The following FAM107B variants were observed in gnomAD, a reference collection of about 807,000 sequenced individuals.
The protein encoded by FAM107B is protein FAM107B.
In FAM107B, 21 loss-of-function variants were observed where a neutral mutation model predicts 31.5. The ratio of observed to expected loss-of-function variants is 0.67; its 90% CI spans 0.47 to 0.96. The LOEUF (loss-of-function observed/expected upper bound fraction) is 0.96, where lower values mean the gene tolerates loss of function less well. Ranked by LOEUF, FAM107B falls within the 40% of genes least tolerant of loss-of-function variation. The pLI, the probability that FAM107B is intolerant of heterozygous loss-of-function variation, is 0.00. For synonymous variants in FAM107B, 157 were observed against 141.5 expected, an observed-to-expected ratio of 1.11 and a Z score of -0.78; for missense variants, 452 against 377.1, an observed-to-expected ratio of 1.20 and a Z score of -1.64.
chr10:14,560,243 A>G (rs1850120686), intron 2 of FAM107B, among the ~76,000 whole-genome samples: 1 of 152,078 alleles, frequency 6.6e-6, no homozygotes, highest in Non-Finnish European at 1.5e-5. Context: ...ATTTGGAACA[A>G]GTGCCCATCA....
At chr10:14,605,754 C>T (rs1365007894) in intron 2 of FAM107B, among the ~76,000 whole-genome samples, 5 of 152,178 alleles carry the variant, frequency 3.3e-5, no homozygotes. Context: ...CCTTCTCTCT[C>T]GTCCTTGAGT....
intron 1 of FAM107B, among the ~76,000 whole-genome samples, chr10:14,753,385 C>A (rs1021487819): frequency 6.6e-6 from 1 of 152,196 alleles, no homozygotes; most frequent in Non-Finnish European, 1.5e-5. Flanking sequence ...ACATCAAAGC[C>A]GTGAAGATTA....
chr10:14,593,987 T>C (rs1365557059), intron 2 of FAM107B, among the ~76,000 whole-genome samples: 1 of 152,210 alleles, frequency 6.6e-6, no homozygotes, highest in Non-Finnish European at 1.5e-5. Context: ...ATTCCATTCA[T>C]TAATAGGGTA....
At position 14,701,696 on chromosome 10, in the gene FAM107B, G is replaced by A. The variant is rs148138214; in HGVS notation, c.412-34005C>T. On this transcript the variant is annotated intron_variant, in intron 1 of 4. Coordinates refer to ENST00000181796, the MANE Select transcript of FAM107B (RefSeq NM_031453.4). ...GGAAACCAGAAAGAATGCAATGACC[G>A]GCCCTAGGCAAAGAGTTGTTTTTTT... Among the ~76,000 whole-genome samples, 30 of 151,868 alleles carry A rather than the reference G, an allele frequency of 2.0e-4. No individual in the cohort carries two copies. The East Asian group carries it at 5.0e-3, about 25-fold the overall frequency.
intron 1 of FAM107B, among the ~76,000 whole-genome samples, chr10:14,732,026 C>T (rs984405483): frequency 4.6e-5 from 7 of 152,152 alleles, no homozygotes; most frequent in Admixed American, 3.9e-4. Context: ...ACATCTGCTT[C>T]CCCTGGAAAA....
intron 2 of FAM107B, among the ~76,000 whole-genome samples, chr10:14,639,947 C>T (rs916218007): frequency 2.0e-5 from 3 of 152,162 alleles, no homozygotes; most frequent in Non-Finnish European, 2.9e-5. Flanking sequence ...GCTGAAATTG[C>T]CTTCTCTATG....
rs1487573849 is a variant in FAM107B at position 14,518,883 on chromosome 10, A to G, written c.*2307T>C. ...GCCATTTTTGTCAAAAAGTGGCTCA[A>G]AGCACAAAACTGCTCAGATGTTCAA... On this transcript the variant is annotated 3_prime_UTR_variant, in exon 5 of 5. Transcript: ENST00000181796. The G allele has an allele frequency of 2.0e-5, 3 of 152,624 alleles. No homozygotes were observed. The highest frequency in any genetic ancestry group is 4.4e-5 in the Non-Finnish European group (3 of 68,050). 9.5% of individuals were successfully genotyped at this position (152,624 alleles called of 1,614,324 possible).
At chr10:14,743,444 T>C (rs916071782) in intron 1 of FAM107B, among the ~76,000 whole-genome samples, 2 of 152,228 alleles carry the variant, frequency 1.3e-5, no homozygotes, top group African/African-American at 2.4e-5. Context: ...ATGTCCTAAA[T>C]GGTATTGCAT....
chr10:14,577,290 T>C (rs986581542), intron 2 of FAM107B, among the ~76,000 whole-genome samples: 9 of 152,242 alleles, frequency 5.9e-5, no homozygotes, highest in African/African-American at 2.2e-4. Flanking sequence ...ATTTGCATTC[T>C]ATTGCTGGAT....
At chr10:14,773,824 T>G (rs927583624) in intron 1 of FAM107B, among the ~76,000 whole-genome samples, 7 of 152,200 alleles carry the variant, frequency 4.6e-5, no homozygotes, top group Non-Finnish European at 1.0e-4. Context: ...TCATTTTAAG[T>G]AGAGGCAGTT....
At chr10:14,548,647 C>G in intron 2 of FAM107B, 4 of 985,426 alleles carry the variant, frequency 4.1e-6, no homozygotes, top group Non-Finnish European at 4.8e-6. Flanking sequence ...CGAAGGCAGG[C>G]ACTCCCAGAA....
At chr10:14,613,820 T>A (rs533418933) in intron 2 of FAM107B, among the ~76,000 whole-genome samples, 1 of 152,338 alleles carries the variant, frequency 6.6e-6, no homozygotes, top group East Asian at 1.9e-4. Context: ...GCTGGACGAC[T>A]GGCTTTTCTT....
intron 2 of FAM107B, among the ~76,000 whole-genome samples, chr10:14,648,042 T>C (rs1254192682): frequency 6.6e-6 from 1 of 151,820 alleles, no homozygotes; most frequent in African/African-American, 2.4e-5. Flanking sequence ...TTAAGAGGTT[T>C]AGCATATTTG....
chr10:14,613,853 G>A (rs1324693430), intron 2 of FAM107B, among the ~76,000 whole-genome samples: 1 of 152,160 alleles, frequency 6.6e-6, no homozygotes, highest in African/African-American at 2.4e-5. Context: ...AAAGTCAGCT[G>A]GGGGCAGTGG....
chr10:14,528,768 G>C (rs1846612704), intron 3 of FAM107B, among the ~76,000 whole-genome samples: 1 of 152,164 alleles, frequency 6.6e-6, no homozygotes, highest in Non-Finnish European at 1.5e-5. Context: ...AAAAAATGTG[G>C]AAACAGACTC....
rs761512976 is a variant in FAM107B at position 14,774,363 on chromosome 10, G to C, written c.301C>G (p.Pro101Ala). 6.2e-7 allele frequency: 1 copy of C among 1,614,202 alleles called. No homozygotes were observed. The highest frequency in any genetic ancestry group is 2.2e-5 in the East Asian group (1 of 44,884). Residue 101 changes from proline to alanine, a missense_variant, in exon 1 of 5, where the codon CCC becomes GCC. By Grantham distance (27) the Pro-to-Ala change is conservative. Coordinates refer to ENST00000181796, the MANE Select transcript of FAM107B (RefSeq NM_031453.4). ...GGCACATCTTCAGGCGTCTCCGCGGGCTGGGCCGCAGTGCGGTGACTTGAA... is the reference window on the plus strand; with the variant it reads ...GGCACATCTTCAGGCGTCTCCGCGGCCTGGGCCGCAGTGCGGTGACTTGAA... ...RNSSHRTAAQ[P>A]AETPEDVPGS...
intron 2 of FAM107B, among the ~76,000 whole-genome samples, chr10:14,628,112 GTTT>G (rs71505033): frequency 6.5e-5 from 6 of 92,686 alleles, no homozygotes; most frequent in South Asian, 4.6e-4. Flanking sequence ...TGTTTTGCTG[GTTT>G]TTTTTTTTTT....
rs77467461 is a variant in FAM107B at position 14,585,876 on chromosome 10, A to T, written c.470-55361T>A. On this transcript the variant is annotated intron_variant, in intron 2 of 4. Coordinates refer to ENST00000181796, the MANE Select transcript of FAM107B (RefSeq NM_031453.4). ...CGACCACAGCAGTCATTGCTGAGTA[A>T]GGAGGAAGCCTCTGTTACTAATTAC... 7.6e-3 allele frequency among the ~76,000 whole-genome samples: 1,155 copies of T among 152,256 alleles called. 17 individuals carry two copies. The highest frequency in any genetic ancestry group is 0.027 in the African/African-American group (1,111 of 41,550).
chr10:14,766,885 A>G (rs1003667650), intron 1 of FAM107B, among the ~76,000 whole-genome samples: 1 of 150,524 alleles, frequency 6.6e-6, no homozygotes, highest in Non-Finnish European at 1.5e-5. Context: ...ACATTTAAAG[A>G]ATCTTTCTCA....
Sources: allele counts gnomAD v4.1 joint callset (sites outside exome capture counted in the v4.1 genomes callset), GRCh38; gene constraint gnomAD v4.1.1; transcripts MANE v1.5; gene names NCBI Gene and HGNC (gene_info 2026-07-23, HGNC 2026-07-21).